RBMS3: variants seen among roughly 807,000 people sequenced by gnomAD.
The protein encoded by RBMS3 is RNA-binding motif, single-stranded-interacting protein 3.
In RBMS3, 27 loss-of-function variants were observed where a neutral mutation model predicts 66.8. The ratio of observed to expected loss-of-function variants is 0.40; its 90% CI spans 0.30 to 0.56. RBMS3 has a LOEUF of 0.56. Among genes scored for constraint, RBMS3 ranks in the 20% least tolerant of loss-of-function variants. The pLI is 0.40. For missense variants in RBMS3, 513 were observed against 549.5 expected (o/e 0.93, Z 0.66); for synonymous variants, 188 against 183.0 (o/e 1.03, Z -0.22).
intron 4 of RBMS3, among the ~76,000 whole-genome samples, chr3:29,612,516 G>T (rs906316649): frequency 6.6e-5 from 10 of 151,986 alleles, no homozygotes; most frequent in Admixed American, 6.6e-4. Flanking sequence ...TAGGATAAAT[G>T]CATAGAGGTG....
chr3:29,691,686 A>G (rs1246744746), intron 4 of RBMS3, among the ~76,000 whole-genome samples: 2 of 152,196 alleles, frequency 1.3e-5, no homozygotes, highest in East Asian at 3.9e-4. Context: ...TAAGATGTAC[A>G]AGCACCAGGT....
chr3:29,742,167 C>T (rs1183887018), intron 5 of RBMS3, among the ~76,000 whole-genome samples: 6 of 152,148 alleles, frequency 3.9e-5, no homozygotes, highest in African/African-American at 1.4e-4. Flanking sequence ...TTCTAAAAGG[C>T]AGAACTATAA....
rs115982840 is a variant in RBMS3, at chr3:29,943,023, G to A, written c.1051-1184G>A. On this transcript the variant is annotated intron_variant, in intron 11 of 14. Coordinates refer to ENST00000383767, the MANE Select transcript of RBMS3 (RefSeq NM_001003793.3). ...TGGTTTATTTGCATTTGAATCTTTT[G>A]ATCATGTTTGCTTTTGTTGCTCAAA... 9.9e-3 allele frequency among the ~76,000 whole-genome samples: 1,507 copies of A among 151,828 alleles called. 21 individuals carry two copies. Among genetic ancestry groups the A allele is most frequent in the South Asian group, 0.025 (123 of 4,824 alleles).
chr3:29,927,315 A>T (rs979134184), intron 10 of RBMS3: 3 of 152,244 alleles, frequency 2.0e-5, no homozygotes, highest in African/African-American at 7.2e-5. Context: ...ATACCATTAA[A>T]GTCATCAGAG....
At chr3:29,864,147 T>C (rs1383248597) in intron 6 of RBMS3, among the ~76,000 whole-genome samples, 1 of 152,196 alleles carries the variant, frequency 6.6e-6, no homozygotes, top group East Asian at 1.9e-4. Flanking sequence ...TGAAATCTAT[T>C]ACTATGTAGA....
rs562641815 is a variant in RBMS3, at chr3:29,890,318, A to G, written c.791+6110A>G. On this transcript the variant is annotated intron_variant, in intron 8 of 14. Transcript: ENST00000383767. ...AGCTGATTTAAACAACTTACTCAAC[A>G]TACCAAGGAGCCTAACATAAGTGTC... Among the ~76,000 whole-genome samples, 35 of 151,792 alleles carry G rather than the reference A, an allele frequency of 2.3e-4. 1 individual carries two copies. The South Asian group carries it at 4.6e-3, about 20-fold the overall frequency.
At chr3:29,738,186 T>G (rs1394266230) in intron 4 of RBMS3, among the ~76,000 whole-genome samples, 2 of 152,200 alleles carry the variant, frequency 1.3e-5, no homozygotes, top group Non-Finnish European at 2.9e-5. Context: ...GGATTCTTGT[T>G]TATTCTACTT....
At chr3:29,753,392 A>G (rs1209835199) in intron 5 of RBMS3, among the ~76,000 whole-genome samples, 1 of 152,204 alleles carries the variant, frequency 6.6e-6, no homozygotes, top group Non-Finnish European at 1.5e-5. Flanking sequence ...AGCAATGCCC[A>G]TCAGCCCACT....
intron 1 of RBMS3, among the ~76,000 whole-genome samples, chr3:29,329,805 T>TTA (rs1302706844): frequency 6.7e-6 from 1 of 148,336 alleles, no homozygotes; most frequent in Non-Finnish European, 1.5e-5. Flanking sequence ...TTTTTATAGA[T>TTA]TATATATATT....
chr3:29,980,283 G>T (rs183430016), intron 12 of RBMS3, among the ~76,000 whole-genome samples: 2 of 151,616 alleles, frequency 1.3e-5, no homozygotes, highest in African/African-American at 2.4e-5. Context: ...TGATAAGGTT[G>T]TCTTTCTCTT....
At chr3:29,582,221 T>A (rs1426147286) in intron 3 of RBMS3, among the ~76,000 whole-genome samples, 1 of 152,102 alleles carries the variant, frequency 6.6e-6, no homozygotes, top group Non-Finnish European at 1.5e-5. Flanking sequence ...TACAGTTTTT[T>A]CTCTACAGTC....
intron 1 of RBMS3, among the ~76,000 whole-genome samples, chr3:29,297,955 G>A (rs1461416998): frequency 6.6e-6 from 1 of 151,798 alleles, no homozygotes; most frequent in African/African-American, 2.4e-5. Context: ...ATGGAGTTTT[G>A]TTTTAGTTTT....
intron 10 of RBMS3, among the ~76,000 whole-genome samples, chr3:29,932,421 A>G (rs1169506809): frequency 1.3e-5 from 2 of 152,184 alleles, no homozygotes; most frequent in Admixed American, 6.5e-5. Flanking sequence ...TACTTCTTAA[A>G]CTTTAGAGTA....
intron 9 of RBMS3, among the ~76,000 whole-genome samples, chr3:29,898,094 G>A (rs562877818): frequency 6.6e-6 from 1 of 151,700 alleles, no homozygotes; most frequent in African/African-American, 2.4e-5. Context: ...AGATATTATA[G>A]CCAGTTAATT....
intron 1 of RBMS3, among the ~76,000 whole-genome samples, chr3:29,394,838 G>A (rs560406258): frequency 6.6e-6 from 1 of 152,208 alleles, no homozygotes; most frequent in East Asian, 1.9e-4. Flanking sequence ...CAGCCACAGT[G>A]GCCTCTTTGC....
intron 4 of RBMS3, among the ~76,000 whole-genome samples, chr3:29,596,649 ATTC>A (rs1221143617): frequency 6.6e-6 from 1 of 152,194 alleles, no homozygotes; most frequent in African/African-American, 2.4e-5. Context: ...CCAAAGCCTT[ATTC>A]TTTCCAAGGA....
intron 4 of RBMS3, among the ~76,000 whole-genome samples, chr3:29,663,106 A>C (rs1009326256): frequency 4.6e-5 from 7 of 152,178 alleles, no homozygotes; most frequent in African/African-American, 1.7e-4. Flanking sequence ...TGTCAGTCAT[A>C]CAATGCCTCT....
At chr3:29,843,577 G>A (rs1340410914) in intron 6 of RBMS3, among the ~76,000 whole-genome samples, 2 of 152,180 alleles carry the variant, frequency 1.3e-5, no homozygotes, top group Admixed American at 1.3e-4. Flanking sequence ...AGCCACGGAC[G>A]TTGACCAGGG....
chr3:29,339,891 G>C (rs73828606), intron 1 of RBMS3, among the ~76,000 whole-genome samples: 3,297 of 152,158 alleles, frequency 0.022, 130 homozygotes, highest in African/African-American at 0.075. Flanking sequence ...TCAGTGTAGG[G>C]TGAGCAGCAC....
Sources: allele counts gnomAD v4.1 joint callset (sites outside exome capture counted in the v4.1 genomes callset), GRCh38; gene constraint gnomAD v4.1.1; transcripts MANE v1.5; gene names NCBI Gene and HGNC (gene_info 2026-07-23, HGNC 2026-07-21).